HECW1: variants seen among roughly 807,000 people sequenced by gnomAD.
The protein encoded by HECW1 is HECT, C2 and WW domain containing E3 ubiquitin protein ligase 1.
HECW1 carries 61 observed loss-of-function variants against 182.3 expected under a neutral mutation model. The ratio of observed to expected loss-of-function variants is 0.33; its 90% CI spans 0.27 to 0.41. The LOEUF (loss-of-function observed/expected upper bound fraction) is 0.41. Among genes scored for constraint, HECW1 ranks in the 10% least tolerant of loss-of-function variants. The pLI, the probability that HECW1 is intolerant of heterozygous loss-of-function variation, is 1.00. For synonymous variants in HECW1, 859 were observed against 832.6 expected, an observed-to-expected ratio of 1.03 and a Z score of -0.55; for missense variants, 1,739 against 2,108.9, an observed-to-expected ratio of 0.82 and a Z score of 3.44.
chr7:43,288,418 CT>C (rs1258438110), intron 3 of HECW1, among the ~76,000 whole-genome samples: 1 of 152,200 alleles, frequency 6.6e-6, no homozygotes, highest in African/African-American at 2.4e-5. Context: ...TGTAATAAAG[CT>C]TTCCATAATT....
rs564708576 is a variant in HECW1 at position 43,319,385 on chromosome 7, C to T, written c.353-1250C>T. 4.4e-4 allele frequency among the ~76,000 whole-genome samples: 24 copies of T among 54,900 alleles called. No homozygotes were observed. In the South Asian group the frequency reaches 0.019, roughly 43 times the overall value. 36.0% of individuals were successfully genotyped at this position (54,900 alleles called of 152,430 possible). On this transcript the variant is annotated intron_variant, in intron 4 of 29. Coordinates refer to ENST00000395891, the MANE Select transcript of HECW1 (RefSeq NM_015052.5). Reference sequence around the variant, plus strand: ...GTCCGGCCTGGGCGACAGAGCGAGACTCCGTCTCAAAAAAAAAAAAAAAAG... The same window carrying T: ...GTCCGGCCTGGGCGACAGAGCGAGATTCCGTCTCAAAAAAAAAAAAAAAAG...
In HECW1 at chr7:43,315,722, G is replaced by A. The variant is rs560182402; in HGVS notation, c.352+3635G>A. ...TTGGCCAGGCTGATCTCAAACTCCT[G>A]ACCTCAGTTGATCCACCCACCTCGG... On this transcript the variant is annotated intron_variant, in intron 4 of 29. Coordinates refer to ENST00000395891, the MANE Select transcript of HECW1 (RefSeq NM_015052.5). Among the ~76,000 whole-genome samples, 548 of 152,110 alleles carry A rather than the reference G, an allele frequency of 3.6e-3. 6 individuals carry two copies. The highest frequency in any genetic ancestry group is 0.013 in the African/African-American group (520 of 41,502).
chr7:43,357,580 A>T (rs1455199911), intron 5 of HECW1, among the ~76,000 whole-genome samples: 3 of 152,224 alleles, frequency 2.0e-5, no homozygotes, highest in Non-Finnish European at 1.5e-5. Flanking sequence ...AGGAAGAAGA[A>T]GATGAATAGA....
chr7:43,371,489 T>A (rs1817357554), intron 6 of HECW1, among the ~76,000 whole-genome samples: 1 of 152,134 alleles, frequency 6.6e-6, no homozygotes, highest in Non-Finnish European at 1.5e-5. Flanking sequence ...TTTTTTTAAA[T>A]GCTCCAATCA....
intron 3 of HECW1, among the ~76,000 whole-genome samples, chr7:43,297,786 A>T (rs796798634): frequency 3.9e-5 from 6 of 152,328 alleles, no homozygotes; most frequent in African/African-American, 1.4e-4. Context: ...AAAAAACTAA[A>T]TTGGGTCAGG....
chr7:43,266,758 A>G (rs913558412), intron 3 of HECW1, among the ~76,000 whole-genome samples: 1 of 152,184 alleles, frequency 6.6e-6, no homozygotes, highest in Admixed American at 6.5e-5. Context: ...TCACCTAACA[A>G]CAGAAAAATT....
chr7:43,242,541 T>G (rs1302410958), intron 2 of HECW1, among the ~76,000 whole-genome samples: 4 of 152,176 alleles, frequency 2.6e-5, no homozygotes, highest in Non-Finnish European at 5.9e-5. Flanking sequence ...TGAGTTTTTC[T>G]TGCATGGTGC....
chr7:43,563,277 C>T lies in HECW1; in HGVS notation c.*1351C>T, dbSNP rs2082257007. ...AAACTTCATGTTGTCAGAAAAACAG[C>T]TGCAGGCTCCAAAGACAGCCTAACC... On this transcript the variant is annotated 3_prime_UTR_variant, in exon 30 of 30. Coordinates refer to ENST00000395891, the MANE Select transcript of HECW1 (RefSeq NM_015052.5). 1 of 210,250 alleles carries T rather than the reference C, an allele frequency of 4.8e-6. No homozygotes were observed. The highest frequency in any genetic ancestry group is 2.3e-5 in the African/African-American group (1 of 43,982). 13.0% of individuals were successfully genotyped at this position (210,250 alleles called of 1,614,324 possible).
Position 43,171,744 on chromosome 7 carries a change from T to C in HECW1, c.-32+57353T>C, listed in dbSNP as rs552156925. The stretch of plus-strand genomic sequence containing the variant: ...TTAATACAGAATCTTCCTCAATGGA[T>C]TGGGCATCCTTATCCCTTCTCCCTG... On this transcript the variant is annotated intron_variant, in intron 2 of 29. Coordinates refer to ENST00000395891, the MANE Select transcript of HECW1 (RefSeq NM_015052.5). 6.6e-5 allele frequency among the ~76,000 whole-genome samples: 10 copies of C among 152,296 alleles called. No individual in the cohort carries two copies. The East Asian group carries it at 9.7e-4, about 15-fold the overall frequency.
In HECW1 at chr7:43,215,336, G is replaced by A. The variant is rs149437083; in HGVS notation, c.-31-28539G>A. Reference sequence around the variant, plus strand: ...GCTGTTTTCCAATCCTCACAGAAGCGTTGCCCTGTCCTAACATGGTTCAGC... The same window carrying A: ...GCTGTTTTCCAATCCTCACAGAAGCATTGCCCTGTCCTAACATGGTTCAGC... On this transcript the variant is annotated intron_variant, in intron 2 of 29. Transcript: ENST00000395891. 2.4e-3 allele frequency among the ~76,000 whole-genome samples: 366 copies of A among 152,286 alleles called. 1 individual carries two copies. The highest frequency in any genetic ancestry group is 8.4e-3 in the African/African-American group (347 of 41,548).
chr7:43,134,079 G>A (rs1290834146), intron 2 of HECW1, among the ~76,000 whole-genome samples: 1 of 151,902 alleles, frequency 6.6e-6, no homozygotes, highest in African/African-American at 2.4e-5. Flanking sequence ...TTTTTTTATA[G>A]CCCAAGTGTT....
At chr7:43,269,963 G>A (rs544335902) in intron 3 of HECW1, among the ~76,000 whole-genome samples, 59 of 152,324 alleles carry the variant, frequency 3.9e-4, no homozygotes, top group Middle Eastern at 3.4e-3. Flanking sequence ...TTGAGAAGCC[G>A]TGCTTTAACT....
At chr7:43,169,320 T>C (rs986026798) in intron 2 of HECW1, among the ~76,000 whole-genome samples, 8 of 152,186 alleles carry the variant, frequency 5.3e-5, no homozygotes, top group African/African-American at 1.9e-4. Flanking sequence ...TTTATTGTCA[T>C]GGGGGCTGAC....
intron 2 of HECW1, among the ~76,000 whole-genome samples, chr7:43,190,180 C>T (rs1793777974): frequency 6.6e-6 from 1 of 152,186 alleles, no homozygotes; most frequent in Non-Finnish European, 1.5e-5. Flanking sequence ...GTGGCATGAT[C>T]TCGGCCCACT....
At position 43,554,522 on chromosome 7, in the gene HECW1, T is replaced by A. The variant is rs1257826071; in HGVS notation, c.4511-70T>A. The A allele has an allele frequency of 4.5e-6, 6 of 1,344,976 alleles. No individual in the cohort carries two copies. In the African/African-American group the frequency reaches 8.7e-5, roughly 20 times the overall value. The allele number at this position is 1,344,976 out of a possible 1,614,324, so 83.3% of individuals were successfully genotyped here. A position where few individuals can be genotyped will look rare whatever the true frequency, so the allele number is the denominator to read the frequency against. ...CCTATCATACCTGATGTGTTTGATC[T>A]CTCTCTCCCTCCTCACCCCTTCCTC... On this transcript the variant is annotated intron_variant, in intron 28 of 29. Coordinates refer to ENST00000395891, the MANE Select transcript of HECW1 (RefSeq NM_015052.5).
intron 2 of HECW1, among the ~76,000 whole-genome samples, chr7:43,236,607 TGA>T (rs1408232410): frequency 6.6e-6 from 1 of 152,220 alleles, no homozygotes; most frequent in Non-Finnish European, 1.5e-5. Flanking sequence ...TGCATTCTTT[TGA>T]GTCCTTGATC....
At position 43,162,714 on chromosome 7, in the gene HECW1, G is replaced by A. The variant is rs561479264; in HGVS notation, c.-32+48323G>A. Among the ~76,000 whole-genome samples, 158 of 152,310 alleles carry A rather than the reference G, an allele frequency of 1.0e-3. 1 individual carries two copies. The highest frequency in any genetic ancestry group is 3.6e-3 in the African/African-American group (151 of 41,562). Reference sequence around the variant, plus strand: ...AAAACTGAGTAAGATCTCACTTGGAGATCCTGGGAATGCCTTTTAATACAG... The same window carrying A: ...AAAACTGAGTAAGATCTCACTTGGAAATCCTGGGAATGCCTTTTAATACAG... On this transcript the variant is annotated intron_variant, in intron 2 of 29. Coordinates refer to ENST00000395891, the MANE Select transcript of HECW1 (RefSeq NM_015052.5).
At chr7:43,375,682 C>A (rs1017720062) in intron 6 of HECW1, among the ~76,000 whole-genome samples, 2 of 151,902 alleles carry the variant, frequency 1.3e-5, no homozygotes, top group African/African-American at 4.8e-5. Flanking sequence ...CACTTGAGAC[C>A]AGGAGTTCAA....
intron 3 of HECW1, among the ~76,000 whole-genome samples, chr7:43,246,987 A>G (rs1799437139): frequency 6.6e-6 from 1 of 152,166 alleles, no homozygotes; most frequent in South Asian, 2.1e-4. Flanking sequence ...GCACCCCTCC[A>G]TACATAGGTG....
Sources: allele counts gnomAD v4.1 joint callset (sites outside exome capture counted in the v4.1 genomes callset), GRCh38; gene constraint gnomAD v4.1.1; transcripts MANE v1.5; gene names NCBI Gene and HGNC (gene_info 2026-07-23, HGNC 2026-07-21).